Variants in PDE3A observed in about 807,000 individuals in gnomAD.
The protein encoded by PDE3A is phosphodiesterase 3A, also known as cGMP-inhibited 3',5'-cyclic phosphodiesterase 3A.
PDE3A carries 43 observed loss-of-function variants against 98.3 expected under a neutral mutation model. The ratio of observed to expected loss-of-function variants is 0.44; its 90% CI spans 0.34 to 0.56. The LOEUF (loss-of-function observed/expected upper bound fraction) is 0.56, where lower values mean the gene tolerates loss of function less well. Among genes scored for constraint, PDE3A ranks in the 20% least tolerant of loss-of-function variants. The probability of loss-of-function intolerance (pLI) is 0.01; values close to 1 mark genes in which losing one functional copy is unlikely to be tolerated. For missense variants in PDE3A, 1,427 were observed against 1,440.7 expected (o/e 0.99, Z 0.15); for synonymous variants, 663 against 567.9 (o/e 1.17, Z -2.38).
chr12:20,676,602 C>A (rs1418057149), intron 15 of PDE3A, among the ~76,000 whole-genome samples: 1 of 150,864 alleles, frequency 6.6e-6, no homozygotes, highest in Admixed American at 6.6e-5. Context: ...TGGGTTCACA[C>A]CATTCTCCTG....
At chr12:20,575,146 T>C (rs956842968) in intron 2 of PDE3A, among the ~76,000 whole-genome samples, 1 of 152,068 alleles carries the variant, frequency 6.6e-6, no homozygotes, top group Non-Finnish European at 1.5e-5. Flanking sequence ...TCCTTAGGAA[T>C]TTTCAGTGGG....
chr12:20,584,050 G>A (rs1276370740), intron 2 of PDE3A, among the ~76,000 whole-genome samples: 2 of 152,170 alleles, frequency 1.3e-5, no homozygotes, highest in Non-Finnish European at 2.9e-5. Context: ...TGTGTGAAAG[G>A]TGAATTCCTT....
chr12:20,575,181 C>T (rs1030309306), intron 2 of PDE3A, among the ~76,000 whole-genome samples: 1 of 151,934 alleles, frequency 6.6e-6, no homozygotes, highest in Non-Finnish European at 1.5e-5. Context: ...TGTCCTGTAT[C>T]TTATTTTTAT....
At chr12:20,613,968 T>C (rs1425622803) in intron 3 of PDE3A, among the ~76,000 whole-genome samples, 1 of 152,238 alleles carries the variant, frequency 6.6e-6, no homozygotes, top group East Asian at 1.9e-4. Context: ...TTTTCTCTTC[T>C]ATATGCCAGG....
At chr12:20,594,920 T>C (rs1025040469) in intron 2 of PDE3A, among the ~76,000 whole-genome samples, 5 of 152,068 alleles carry the variant, frequency 3.3e-5, no homozygotes, top group Admixed American at 3.3e-4. Context: ...GACTTGTAGA[T>C]CGATACATTA....
At chr12:20,663,401 C>T (rs1433792422) in intron 15 of PDE3A, among the ~76,000 whole-genome samples, 1 of 152,128 alleles carries the variant, frequency 6.6e-6, no homozygotes, top group African/African-American at 2.4e-5. Context: ...CACTGTGCAC[C>T]TGGAAAAGCC....
chr12:20,474,964 T>C (rs1945502907), intron 1 of PDE3A, among the ~76,000 whole-genome samples: 1 of 152,102 alleles, frequency 6.6e-6, no homozygotes, highest in Non-Finnish European at 1.5e-5. Flanking sequence ...AATTTATCTT[T>C]TTTTTTATTT....
chr12:20,370,415 T>G (rs534300542), intron 1 of PDE3A, among the ~76,000 whole-genome samples, 171 bp downstream of exon 1: 238 of 147,100 alleles, frequency 1.6e-3, no homozygotes, highest in African/African-American at 5.3e-3. Flanking sequence ...TTTTGTTTTT[T>G]TTTTTTTGTT....
chr12:20,653,976 C>T lies in PDE3A; in HGVS notation c.2955C>T (p.Pro985=), dbSNP rs1944981441. The change falls in exon 15 of 16, where the codon CCC becomes CCT. Residue 985 remains proline, a synonymous_variant. Coordinates refer to ENST00000359062, the MANE Select transcript of PDE3A (RefSeq NM_000921.5). ...ATGAAGAGGCCAGCCTTGGATTACC[C>T]ATAAGCCCCTTCATGGATCGTTCTG... ...QGDEEASLGL[P]ISPFMDRSAP... 1 of 1,614,094 alleles carries T rather than the reference C, an allele frequency of 6.2e-7. No individual in the cohort carries two copies. The highest frequency in any genetic ancestry group is 8.5e-7 in the Non-Finnish European group (1 of 1,180,002).
intron 1 of PDE3A, among the ~76,000 whole-genome samples, chr12:20,535,472 C>T (rs1941725033): frequency 6.6e-6 from 1 of 152,070 alleles, no homozygotes; most frequent in African/African-American, 2.4e-5. Context: ...CAGAGGATTC[C>T]ACGGAGTAAA....
At chr12:20,569,767 C>A (rs933629276) in intron 2 of PDE3A, among the ~76,000 whole-genome samples, 1 of 152,026 alleles carries the variant, frequency 6.6e-6, no homozygotes, top group African/African-American at 2.4e-5. Context: ...AAAGTACCTG[C>A]GTATTTGTTC....
chr12:20,389,696 A>G (rs907637584), intron 1 of PDE3A, among the ~76,000 whole-genome samples: 44 of 151,998 alleles, frequency 2.9e-4, no homozygotes, highest in African/African-American at 1.0e-3. Context: ...ACAAATGATT[A>G]TACTGCCAAG....
At chr12:20,639,800 G>A (rs756675251) in intron 9 of PDE3A, 46 bp from the exon 10 acceptor site, 2 of 842,718 alleles carry the variant, frequency 2.4e-6, no homozygotes, top group Non-Finnish European at 4.1e-6. Context: ...CTTTATGTCT[G>A]ACATACACAT....
chr12:20,592,806 G>T (rs1943371136), intron 2 of PDE3A, among the ~76,000 whole-genome samples: 2 of 152,164 alleles, frequency 1.3e-5, no homozygotes, highest in African/African-American at 2.4e-5. Flanking sequence ...AGGAGGTCTT[G>T]TTTGAATACA....
chr12:20,448,748 TAAGG>T, intron 1 of PDE3A, among the ~76,000 whole-genome samples: 1 of 138,460 alleles, frequency 7.2e-6, no homozygotes, highest in East Asian at 2.6e-4. Flanking sequence ...GTTTTTATTT[TAAGG>T]TTTTTTTTTT....
chr12:20,475,714 A>G (rs947108027), intron 1 of PDE3A, among the ~76,000 whole-genome samples: 1 of 140,748 alleles, frequency 7.1e-6, no homozygotes, highest in African/African-American at 2.4e-5. Context: ...TGGGTGACAC[A>G]CCATACACAC....
intron 15 of PDE3A, among the ~76,000 whole-genome samples, chr12:20,667,506 C>G (rs10770691): frequency 0.51 from 76,764 of 151,986 alleles, 20,319 homozygotes; most frequent in East Asian, 0.73. Flanking sequence ...TCCAATTTTC[C>G]CAGCACCACT....
intron 1 of PDE3A, among the ~76,000 whole-genome samples, chr12:20,454,227 C>G (rs1171367725): frequency 2.0e-5 from 3 of 152,166 alleles, no homozygotes; most frequent in Admixed American, 1.3e-4. Context: ...CTTACTGTTT[C>G]CTCTGCCTGG....
rs1347779441 is a variant in PDE3A, at chr12:20,460,822, TCC to T, written c.960+90583_960+90584del. Among the ~76,000 whole-genome samples, 7 of 152,064 alleles carry T rather than the reference TCC, an allele frequency of 4.6e-5. No individual in the cohort carries two copies. In the East Asian group the frequency reaches 1.4e-3, roughly 29 times the overall value. On this transcript the variant is annotated intron_variant, in intron 1 of 15. Transcript: ENST00000359062. ...AGTTCTGTAGCCTCCATGCCCCTGC[TCC>T]CCCCTTTTCATGGCTCACTACTGCC...
Sources: allele counts gnomAD v4.1 joint callset (sites outside exome capture counted in the v4.1 genomes callset), GRCh38; gene constraint gnomAD v4.1.1; transcripts MANE v1.5; gene names NCBI Gene and HGNC (gene_info 2026-07-23, HGNC 2026-07-21).